Variants in PAPPA observed in about 807,000 individuals in gnomAD.
PAPPA encodes pappalysin 1.
A neutral mutation model predicts 164.0 loss-of-function variants in PAPPA; 60 were observed. The observed-to-expected ratio is 0.37, with a 90% CI of 0.30 to 0.45. The LOEUF (loss-of-function observed/expected upper bound fraction) is 0.45. Among genes scored for constraint, PAPPA ranks in the 20% least tolerant of loss-of-function variants. The probability of loss-of-function intolerance (pLI) is 1.00; values close to 1 mark genes in which losing one functional copy is unlikely to be tolerated. For synonymous variants in PAPPA, 875 were observed against 814.1 expected (o/e 1.07, Z -1.27); for missense variants, 1,782 against 2,087.3 (o/e 0.85, Z 2.85).
intron 10 of PAPPA, among the ~76,000 whole-genome samples, chr9:116,320,772 T>C (rs1845845081): frequency 6.6e-6 from 1 of 152,012 alleles, no homozygotes; most frequent in Non-Finnish European, 1.5e-5. Flanking sequence ...TGCCTGTGTG[T>C]TGTGTTGTGT....
At chr9:116,279,508 C>T (rs1845242193) in intron 9 of PAPPA, among the ~76,000 whole-genome samples, 1 of 151,966 alleles carries the variant, frequency 6.6e-6, no homozygotes. Flanking sequence ...CCTCTGACGC[C>T]AGAAGGGAGG....
At chr9:116,382,575 G>C in intron 21 of PAPPA, 82 bp downstream of exon 21, 1 of 842,472 alleles carries the variant, frequency 1.2e-6, no homozygotes, top group East Asian at 2.4e-5. Context: ...TTCATGGCTG[G>C]ACAACCCTTG....
At position 116,398,826 on chromosome 9, in the gene PAPPA, A is replaced by C; in HGVS notation, c.*2210A>C. ...TTACTTCACTATAATTACAAGGACA[A>C]ATTATTAGCAAGAAATAAGAATAGT... On this transcript the variant is annotated 3_prime_UTR_variant, in exon 22 of 22. Transcript: ENST00000328252. The C allele has an allele frequency of 2.6e-6, 1 of 379,964 alleles. No individual in the cohort carries two copies. The highest frequency in any genetic ancestry group is 2.0e-5 in the South Asian group (1 of 50,814). 23.5% of individuals were successfully genotyped at this position (379,964 alleles called of 1,614,324 possible). A position where few individuals can be genotyped will look rare whatever the true frequency, so the allele number is the denominator to read the frequency against.
chr9:116,283,701 C>T (rs746662739), intron 9 of PAPPA, among the ~76,000 whole-genome samples: 3 of 152,156 alleles, frequency 2.0e-5, no homozygotes, highest in Admixed American at 6.5e-5. Flanking sequence ...AACTATCAGC[C>T]GCCATTGGCA....
At chr9:116,209,643 T>C (rs1418825588) in intron 3 of PAPPA, among the ~76,000 whole-genome samples, 4 of 152,104 alleles carry the variant, frequency 2.6e-5, no homozygotes, top group East Asian at 1.9e-4. Context: ...GGGGCCCAAG[T>C]GCTGTCACTC....
chr9:116,366,272 T>C (rs1288046310), intron 18 of PAPPA, among the ~76,000 whole-genome samples: 2 of 152,036 alleles, frequency 1.3e-5, no homozygotes, highest in Admixed American at 6.6e-5. Flanking sequence ...GAGGTCAGGG[T>C]AGAGAATGAA....
Position 116,332,348 on chromosome 9 carries a change from C to G in PAPPA, c.3277C>G (p.Pro1093Ala), listed in dbSNP as rs755070797. 2.5e-6 allele frequency: 4 copies of G among 1,613,478 alleles called. No homozygotes were observed. The Admixed American group carries it at 6.7e-5, about 27-fold the overall frequency. ...TFWLRAYFSQ[P>A]MVAAAVIVHL... ...ACAATTTCAGGCGTATTTTTCTCAA[C>G]CAATGGTTGCCGCAGCTGTCATTGT... Residue 1093 changes from proline (P) to alanine (A), a missense_variant, in exon 12 of 22, where the codon CCA becomes GCA. Coordinates refer to ENST00000328252, the MANE Select transcript of PAPPA (RefSeq NM_002581.5).
In PAPPA at chr9:116,399,361, T is replaced by C. The variant is rs1369990100; in HGVS notation, c.*2745T>C. On this transcript the variant is annotated 3_prime_UTR_variant, in exon 22 of 22. Coordinates refer to ENST00000328252, the MANE Select transcript of PAPPA (RefSeq NM_002581.5). ...GCCAACCTCGTGCCCACATGGAAGG[T>C]ATCTTTAATAGGGTCTTTTCAAACC... The C allele has an allele frequency of 6.6e-6, 1 of 152,608 alleles. No homozygotes were observed. The highest frequency in any genetic ancestry group is 1.5e-5 in the Non-Finnish European group (1 of 68,044). 9.5% of individuals were successfully genotyped at this position (152,608 alleles called of 1,614,324 possible). A position where few individuals can be genotyped will look rare whatever the true frequency, so the allele number is the denominator to read the frequency against.
At chr9:116,290,975 T>C (rs750149619) in intron 9 of PAPPA, among the ~76,000 whole-genome samples, 1 of 152,148 alleles carries the variant, frequency 6.6e-6, no homozygotes, top group Non-Finnish European at 1.5e-5. Flanking sequence ...GGCTGCTATA[T>C]AATTCATGTG....
intron 2 of PAPPA, among the ~76,000 whole-genome samples, chr9:116,193,271 C>T (rs1844065523): frequency 6.6e-6 from 1 of 152,146 alleles, no homozygotes; most frequent in Admixed American, 6.5e-5. Context: ...CCCCCGACCC[C>T]TCTGCTGGCA....
chr9:116,238,470 A>G (rs994723601), intron 7 of PAPPA, among the ~76,000 whole-genome samples: 3 of 152,224 alleles, frequency 2.0e-5, no homozygotes, highest in Non-Finnish European at 4.4e-5. Flanking sequence ...TAATGAGAAC[A>G]TTCTATATGC....
At chr9:116,330,835 C>T (rs1233579677) in intron 10 of PAPPA, among the ~76,000 whole-genome samples, 1 of 152,122 alleles carries the variant, frequency 6.6e-6, no homozygotes, top group East Asian at 1.9e-4. Context: ...TCAGTAGTAA[C>T]CATTTGATCA....
At chr9:116,211,439 G>T (rs1844305728) in intron 3 of PAPPA, among the ~76,000 whole-genome samples, 200 bp from the exon 4 acceptor site, 1 of 152,138 alleles carries the variant, frequency 6.6e-6, no homozygotes, top group Admixed American at 6.5e-5. Flanking sequence ...TGTACAAAAT[G>T]ACTTTTGAGA....
chr9:116,189,009 C>A (rs1844011617), intron 2 of PAPPA, among the ~76,000 whole-genome samples: 1 of 152,124 alleles, frequency 6.6e-6, no homozygotes. Flanking sequence ...TTAGGGAGTG[C>A]CCTAGATGAT....
intron 7 of PAPPA, among the ~76,000 whole-genome samples, chr9:116,256,725 A>G (rs1344080621): frequency 6.6e-6 from 1 of 151,960 alleles, no homozygotes; most frequent in Non-Finnish European, 1.5e-5. Flanking sequence ...ACTTTTACCT[A>G]AAAAAAGATA....
chr9:116,191,009 C>T (rs1394927057), intron 2 of PAPPA, among the ~76,000 whole-genome samples: 1 of 103,380 alleles, frequency 9.7e-6, no homozygotes, highest in Non-Finnish European at 1.9e-5. Flanking sequence ...TGAATTTAAA[C>T]AAAAAAGGGA....
At chr9:116,386,064 G>A (rs931638575) in intron 21 of PAPPA, among the ~76,000 whole-genome samples, 2 of 152,140 alleles carry the variant, frequency 1.3e-5, no homozygotes, top group African/African-American at 4.8e-5. Context: ...ATAATGGTTG[G>A]GGGTAGAAGG....
chr9:116,200,381 C>A (rs750876401), intron 2 of PAPPA, among the ~76,000 whole-genome samples: 39 of 152,168 alleles, frequency 2.6e-4, no homozygotes, highest in Admixed American at 2.4e-3. Flanking sequence ...AAGTAAGAGA[C>A]TAATGGCTAA....
At chr9:116,329,772 T>A (rs751068763) in intron 10 of PAPPA, among the ~76,000 whole-genome samples, 3 of 152,220 alleles carry the variant, frequency 2.0e-5, no homozygotes, top group Non-Finnish European at 2.9e-5. Context: ...GGCTTCCTTT[T>A]TATTTGGCTA....
Sources: gnomAD v4.1 joint callset for allele counts (sites outside exome capture counted in the v4.1 genomes callset) on GRCh38, gnomAD v4.1.1 for gene constraint, MANE v1.5 for transcripts, NCBI Gene and HGNC (gene_info 2026-07-23, HGNC 2026-07-21) for gene names.